The following JAK1 variants were observed in gnomAD, a reference collection of about 807,000 sequenced individuals.
JAK1 encodes Janus kinase 1.
JAK1 carries 16 observed loss-of-function variants against 136.6 expected under a neutral mutation model. That is an observed-to-expected ratio of 0.12 (90% confidence interval 0.08 to 0.18). JAK1 has a LOEUF of 0.18. JAK1 is among the 10% of genes least tolerant of loss of function. JAK1 has a pLI of 1.00. For missense variants in JAK1, 859 were observed against 1,450.1 expected (o/e 0.59, Z 6.62); for synonymous variants, 492 against 519.5 (o/e 0.95, Z 0.72).
intron 2 of JAK1, among the ~76,000 whole-genome samples, chr1:65,037,624 G>A (rs1263193960): frequency 1.3e-5 from 2 of 152,142 alleles, no homozygotes; most frequent in Non-Finnish European, 1.5e-5. Context: ...TAAAGTAACT[G>A]TACCCAGGTA....
chr1:64,860,063 T>C (rs777009288), intron 9 of JAK1, 42 bp downstream of exon 9: 24 of 1,425,166 alleles, frequency 1.7e-5, no homozygotes, highest in Non-Finnish European at 2.1e-5. Flanking sequence ...AAACACGGGC[T>C]CTCTGCACAC....
At chr1:64,860,366 G>A in intron 8 of JAK1, 104 bp from the exon 9 acceptor site, 1 of 801,462 alleles carries the variant, frequency 1.2e-6, no homozygotes, top group Non-Finnish European at 1.8e-6. Flanking sequence ...ATAACCCAAT[G>A]GGAACCCCAA....
At chr1:65,056,716 G>A (rs1001420270) in intron 1 of JAK1, among the ~76,000 whole-genome samples, 1 of 152,062 alleles carries the variant, frequency 6.6e-6, no homozygotes, top group Admixed American at 6.6e-5. Context: ...CTTGAGGACA[G>A]GAGTTTGAAA....
At chr1:65,009,230 A>G (rs1646827722) in intron 2 of JAK1, among the ~76,000 whole-genome samples, 2 of 152,232 alleles carry the variant, frequency 1.3e-5, no homozygotes, top group Non-Finnish European at 2.9e-5. Context: ...TGTTAATTAC[A>G]GAAAAAATCA....
intron 1 of JAK1, among the ~76,000 whole-genome samples, chr1:64,948,418 G>T (rs1646024766): frequency 6.6e-6 from 1 of 152,246 alleles, no homozygotes; most frequent in Admixed American, 6.5e-5. Context: ...GCATAAAGCT[G>T]AACAGAGGTG....
intron 1 of JAK1, among the ~76,000 whole-genome samples, chr1:64,909,618 C>T (rs1464229849): frequency 7.0e-6 from 1 of 143,558 alleles, no homozygotes; most frequent in East Asian, 2.0e-4. Flanking sequence ...GCCAGGAGTT[C>T]AAGACCAGCC....
chr1:64,983,427 G>A (rs879086888), intron 2 of JAK1, among the ~76,000 whole-genome samples: 1 of 152,168 alleles, frequency 6.6e-6, no homozygotes, highest in South Asian at 2.1e-4. Context: ...TTCTCCCAGA[G>A]CTGAGGCTAC....
rs556652614 is a variant in JAK1 at position 64,855,395 on chromosome 1, T to G, written c.1648+114A>C. On this transcript the variant is annotated intron_variant, in intron 11 of 24. Coordinates refer to ENST00000342505, the MANE Select transcript of JAK1 (RefSeq NM_002227.4). ...GTAATTAAACTCAATAAAAAACACC[T>G]AGAAACTGTGGGGAGGGTCCACTTT... 43 of 954,654 alleles carry G rather than the reference T, an allele frequency of 4.5e-5. No homozygotes were observed. In the South Asian group the frequency reaches 7.0e-4, roughly 16 times the overall value. 59.1% of individuals were successfully genotyped at this position (954,654 alleles called of 1,614,324 possible).
chr1:65,036,582 G>A (rs984609184), intron 2 of JAK1, among the ~76,000 whole-genome samples: 2 of 152,220 alleles, frequency 1.3e-5, no homozygotes, highest in Non-Finnish European at 2.9e-5. Flanking sequence ...ACTGCCCTAT[G>A]TGCTTATTAA....
upstream of JAK1, among the ~76,000 whole-genome samples, chr1:64,969,225 G>A (rs1190273186): frequency 6.6e-6 from 1 of 151,862 alleles, no homozygotes; most frequent in Admixed American, 6.6e-5. Context: ...GAGATTTAAG[G>A]TTTTTGTTTT....
chr1:64,955,715 T>G (rs1400148223), intron 1 of JAK1, among the ~76,000 whole-genome samples: 1 of 152,190 alleles, frequency 6.6e-6, no homozygotes, highest in African/African-American at 2.4e-5. Flanking sequence ...CTAAATAATG[T>G]CTGCACATGG....
intron 2 of JAK1, among the ~76,000 whole-genome samples, chr1:65,038,345 T>C (rs927549698): frequency 3.3e-5 from 5 of 150,140 alleles, no homozygotes; most frequent in African/African-American, 1.2e-4. Flanking sequence ...ATTACAGGCA[T>C]GTGCCACCAC....
intron 2 of JAK1, among the ~76,000 whole-genome samples, chr1:65,030,123 T>A (rs928498871): frequency 2.6e-5 from 4 of 152,026 alleles, no homozygotes; most frequent in African/African-American, 9.7e-5. Context: ...AGTGCCCTTA[T>A]TAAAAGAGGA....
chr1:64,911,408 C>T (rs1431835796), intron 1 of JAK1, among the ~76,000 whole-genome samples: 1 of 152,226 alleles, frequency 6.6e-6, no homozygotes, highest in Non-Finnish European at 1.5e-5. Flanking sequence ...TGGTCACTCT[C>T]TGTGTTCATC....
chr1:64,837,812 C>T lies in JAK1; in HGVS notation c.3140+120G>A, dbSNP rs1654582558. On this transcript the variant is annotated intron_variant, in intron 22 of 24. Coordinates refer to ENST00000342505, the MANE Select transcript of JAK1 (RefSeq NM_002227.4). ...TCAATCAATTCCAAATGTTCTAAAC[C>T]TTCTCTAACCTTGAGTCAGGCCAGA... 6.6e-6 allele frequency: 5 copies of T among 756,344 alleles called. No homozygotes were observed. In the East Asian group the frequency reaches 1.1e-4, roughly 16 times the overall value. 46.9% of individuals were successfully genotyped at this position (756,344 alleles called of 1,614,324 possible).
At chr1:64,855,335 A>G (rs1048731530) in intron 11 of JAK1, among the ~76,000 whole-genome samples, 174 bp downstream of exon 11, 3 of 152,170 alleles carry the variant, frequency 2.0e-5, no homozygotes, top group African/African-American at 7.2e-5. Context: ...AAATGCTCAC[A>G]CTCAAGGGAT....
At chr1:65,058,825 C>T (rs1334456921) in intron 1 of JAK1, among the ~76,000 whole-genome samples, 1 of 152,126 alleles carries the variant, frequency 6.6e-6, no homozygotes, top group Non-Finnish European at 1.5e-5. Flanking sequence ...TTATCTCTTC[C>T]ATGCATGGAT....
At chr1:65,014,920 C>T (rs563171347) in intron 2 of JAK1, among the ~76,000 whole-genome samples, 6 of 152,146 alleles carry the variant, frequency 3.9e-5, no homozygotes, top group Non-Finnish European at 8.8e-5. Context: ...CTCCTGACCT[C>T]GTGATCCACC....
At chr1:65,013,220 T>C (rs2100774850) in intron 2 of JAK1, among the ~76,000 whole-genome samples, 1 of 146,616 alleles carries the variant, frequency 6.8e-6, no homozygotes, top group South Asian at 2.2e-4. Context: ...ACATGGTGAA[T>C]CCCCATCTCT....
Sources: gnomAD v4.1 joint callset for allele counts (sites outside exome capture counted in the v4.1 genomes callset) on GRCh38, gnomAD v4.1.1 for gene constraint, MANE v1.5 for transcripts, NCBI Gene and HGNC (gene_info 2026-07-23, HGNC 2026-07-21) for gene names.